CUX2: variants seen among roughly 807,000 people sequenced by gnomAD.
CUX2 encodes cut like homeobox 2, also known as homeobox protein cut-like 2.
In CUX2, 40 loss-of-function variants were observed where a neutral mutation model predicts 144.8. That is an observed-to-expected ratio of 0.28 (90% CI 0.21 to 0.36). The LOEUF (loss-of-function observed/expected upper bound fraction) is 0.36, where lower values mean the gene tolerates loss of function less well. Ranked by LOEUF, CUX2 falls within the 10% of genes least tolerant of loss-of-function variation. The probability of loss-of-function intolerance (pLI) is 1.00; values close to 1 mark genes in which losing one functional copy is unlikely to be tolerated. For missense variants in CUX2, 1,615 were observed against 1,994.0 expected, an observed-to-expected ratio of 0.81 and a Z score of 3.62; for synonymous variants, 827 against 875.6, an observed-to-expected ratio of 0.94 and a Z score of 0.98.
chr12:111,162,901 C>T (rs188702628), intron 1 of CUX2, among the ~76,000 whole-genome samples: 6 of 152,172 alleles, frequency 3.9e-5, no homozygotes, highest in Admixed American at 3.9e-4. Flanking sequence ...CAAAACCTAG[C>T]CAGGCATGAT....
At position 111,035,963 on chromosome 12, in the gene CUX2, G is replaced by A. The variant is rs1869425555; in HGVS notation, c.63+1723G>A. The stretch of plus-strand genomic sequence containing the variant: ...AGTGGGGGTTATGGAGGCAGAGAGA[G>A]AGAGAGAGAGGGAGAATTGGGCAGC... On this transcript the variant is annotated intron_variant, in intron 1 of 21. Transcript: ENST00000261726. This position sits in a 1 kb window ranked among gnomAD's most constrained non-coding sequence, Gnocchi z 6.0. Among the ~76,000 whole-genome samples, 1 of 152,186 alleles carries A rather than the reference G, an allele frequency of 6.6e-6. No individual in the cohort carries two copies. Among genetic ancestry groups the A allele is most frequent in the Non-Finnish European group, 1.5e-5 (1 of 68,044 alleles).
Position 111,171,597 on chromosome 12 carries a change from G to C in CUX2, c.64-42603G>C, listed in dbSNP as rs1878526265. 6.6e-6 allele frequency among the ~76,000 whole-genome samples: 1 copy of C among 152,142 alleles called. No homozygotes were observed. The highest frequency in any genetic ancestry group is 6.5e-5 in the Admixed American group (1 of 15,278). On this transcript the variant is annotated intron_variant, in intron 1 of 21. Transcript: ENST00000261726. The surrounding 1 kb of genome is among the most constrained non-coding windows in gnomAD (Gnocchi z 5.0). Reference sequence around the variant, plus strand: ...GGAGCACAGCCACCTGACACATCTGGGGCTATGGGACGGAAAAGCCCAGAG... The same window carrying C: ...GGAGCACAGCCACCTGACACATCTGCGGCTATGGGACGGAAAAGCCCAGAG...
At chr12:111,191,172 G>T (rs1270553223) in intron 1 of CUX2, among the ~76,000 whole-genome samples, 1 of 152,154 alleles carries the variant, frequency 6.6e-6, no homozygotes, top group Non-Finnish European at 1.5e-5. Flanking sequence ...ATAAAATGGG[G>T]ATAATGGTGG....
intron 1 of CUX2, among the ~76,000 whole-genome samples, chr12:111,110,035 T>C (rs1288609626): frequency 6.7e-6 from 1 of 148,778 alleles, no homozygotes; most frequent in Non-Finnish European, 1.5e-5. Flanking sequence ...ACCACCACAC[T>C]CAACTAATTT....
intron 14 of CUX2, among the ~76,000 whole-genome samples, 179 bp from the exon 15 acceptor site, chr12:111,309,862 T>C (rs1886791671): frequency 6.6e-6 from 1 of 151,198 alleles, no homozygotes; most frequent in Non-Finnish European, 1.5e-5. Context: ...TCACATGTGG[T>C]CTCTGTCTCG....
chr12:111,311,303 T>A (rs1886886890), intron 15 of CUX2, among the ~76,000 whole-genome samples: 1 of 152,186 alleles, frequency 6.6e-6, no homozygotes, highest in African/African-American at 2.4e-5. Context: ...TCTTTTTTTT[T>A]TTGAGATGGA....
In CUX2 at chr12:111,057,533, A is replaced by T. The variant is rs1202227890; in HGVS notation, c.63+23293A>T. Among the ~76,000 whole-genome samples the T allele has an allele frequency of 6.6e-6, 1 of 152,042 alleles. No homozygotes were observed. Among genetic ancestry groups the T allele is most frequent in the Non-Finnish European group, 1.5e-5 (1 of 68,002 alleles). ...CCTCAGGGTGACCAGGCCGATTCCA[A>T]CGTGGGGACCCAGACCTCCTTACAC... On this transcript the variant is annotated intron_variant, in intron 1 of 21. Coordinates refer to ENST00000261726, the MANE Select transcript of CUX2 (RefSeq NM_015267.4). This position sits in a 1 kb window ranked among gnomAD's most constrained non-coding sequence, Gnocchi z 5.1.
intron 1 of CUX2, among the ~76,000 whole-genome samples, chr12:111,201,220 C>T (rs1880565869): frequency 6.6e-6 from 1 of 152,172 alleles, no homozygotes; most frequent in Admixed American, 6.5e-5. Flanking sequence ...CCTCCACCCA[C>T]CTTCCCCTCC....
At chr12:111,117,448 A>G (rs1047047572) in intron 1 of CUX2, among the ~76,000 whole-genome samples, 7 of 152,202 alleles carry the variant, frequency 4.6e-5, no homozygotes, top group Non-Finnish European at 1.0e-4. Context: ...TCTGGAAGTG[A>G]CACATCACTT....
At chr12:111,085,172 G>A (rs551703467) in intron 1 of CUX2, among the ~76,000 whole-genome samples, 1 of 152,340 alleles carries the variant, frequency 6.6e-6, no homozygotes, top group East Asian at 1.9e-4. Flanking sequence ...TGGAGGTGCT[G>A]TGGTGTGCTG....
intron 1 of CUX2, among the ~76,000 whole-genome samples, chr12:111,127,216 T>C (rs1007433698): frequency 6.6e-6 from 1 of 152,232 alleles, no homozygotes; most frequent in Non-Finnish European, 1.5e-5. Context: ...TCTTCCACTT[T>C]GGGGTTCCCA....
chr12:111,036,336 G>A (rs1426214819), intron 1 of CUX2, among the ~76,000 whole-genome samples: 1 of 152,168 alleles, frequency 6.6e-6, no homozygotes, highest in Admixed American at 6.5e-5. Context: ...CAGGGGCTGG[G>A]TGCTGAGGGG....
Position 111,295,272 on chromosome 12 carries a change from CG to C in CUX2, c.561-56del. The C allele has an allele frequency of 1.3e-6, 2 of 1,533,826 alleles. No individual in the cohort carries two copies. The highest frequency in any genetic ancestry group is 1.2e-5 in the South Asian group (1 of 85,290). ...GTAGGAAGCAAGATGGGGCTCGACTCGGGGGCCCCAGGCAAGGCCTGTCCCT... is the reference window on the plus strand; with the variant it reads ...GTAGGAAGCAAGATGGGGCTCGACTCGGGGCCCCAGGCAAGGCCTGTCCCT... On this transcript the variant is annotated intron_variant, in intron 6 of 21. Transcript: ENST00000261726. This position sits in a 1 kb window ranked among gnomAD's most constrained non-coding sequence, Gnocchi z 5.0.
intron 3 of CUX2, among the ~76,000 whole-genome samples, chr12:111,224,962 T>A (rs537946888): frequency 4.6e-5 from 7 of 152,132 alleles, no homozygotes; most frequent in Non-Finnish European, 1.0e-4. Flanking sequence ...CTGGAGTGCA[T>A]TGGTGCATTC....
intron 14 of CUX2, among the ~76,000 whole-genome samples, chr12:111,308,944 G>A (rs944052361): frequency 2.7e-4 from 41 of 151,972 alleles, no homozygotes; most frequent in African/African-American, 7.5e-4. Flanking sequence ...TCTCTCTGTC[G>A]CCCAGGCTGG....
chr12:111,232,621 G>A (rs1404420763), intron 3 of CUX2, among the ~76,000 whole-genome samples: 1 of 152,230 alleles, frequency 6.6e-6, no homozygotes, highest in Non-Finnish European at 1.5e-5. Context: ...TCCTCAGGGT[G>A]TCCTGAAATC....
chr12:111,177,134 C>T (rs1217219913), intron 1 of CUX2, among the ~76,000 whole-genome samples: 1 of 152,148 alleles, frequency 6.6e-6, no homozygotes, highest in Non-Finnish European at 1.5e-5. Context: ...GATGTCTTAT[C>T]TCTGTGCCCT....
At chr12:111,134,608 C>A (rs1016409457) in intron 1 of CUX2, among the ~76,000 whole-genome samples, 7 of 137,932 alleles carry the variant, frequency 5.1e-5, no homozygotes, top group African/African-American at 2.1e-4. Flanking sequence ...CTCTCTCTCT[C>A]TCTCTCTCTC....
At chr12:111,138,728 G>A (rs551052023) in intron 1 of CUX2, among the ~76,000 whole-genome samples, 52 of 152,094 alleles carry the variant, frequency 3.4e-4, no homozygotes, top group African/African-American at 1.2e-3. Context: ...TGACTGTTCT[G>A]TTCTCCAGGG....
Sources: gnomAD v4.1 joint callset for allele counts (sites outside exome capture counted in the v4.1 genomes callset) on GRCh38, gnomAD v4.1.1 for gene constraint, Gnocchi (gnomAD v3.1) non-coding constraint, MANE v1.5 for transcripts, NCBI Gene and HGNC (gene_info 2026-07-23, HGNC 2026-07-21) for gene names.